BACH1: variants seen among roughly 807,000 people sequenced by gnomAD.
BACH1 encodes the protein BTB domain and CNC homolog 1.
A neutral mutation model predicts 52.9 loss-of-function variants in BACH1; 35 were observed. That is an observed-to-expected ratio of 0.66 (90% confidence interval 0.51 to 0.88). BACH1 has a LOEUF of 0.88. Ranked by LOEUF, BACH1 falls within the 40% of genes least tolerant of loss-of-function variation. BACH1 has a pLI of 0.00. For missense variants in BACH1, 808 were observed against 872.6 expected, an observed-to-expected ratio of 0.93 and a Z score of 0.93; for synonymous variants, 321 against 319.6, an observed-to-expected ratio of 1.00 and a Z score of -0.05.
chr21:29,311,956 T>A (rs1347945614), intron 1 of BACH1, among the ~76,000 whole-genome samples: 1 of 152,262 alleles, frequency 6.6e-6, no homozygotes, highest in Non-Finnish European at 1.5e-5. Context: ...CATGCTTAAC[T>A]GACAGTGGAG....
At chr21:29,312,713 T>G (rs2088739884) in intron 1 of BACH1, among the ~76,000 whole-genome samples, 1 of 152,196 alleles carries the variant, frequency 6.6e-6, no homozygotes, top group Non-Finnish European at 1.5e-5. Flanking sequence ...TAGCAAAAGC[T>G]TCACAAGCCC....
At chr21:29,357,983 C>T (rs964580682) in intron 2 of BACH1, among the ~76,000 whole-genome samples, 4 of 152,190 alleles carry the variant, frequency 2.6e-5, no homozygotes, top group African/African-American at 2.4e-5. Context: ...AGTCCCCACA[C>T]GCCCTGAGAG....
intron 1 of BACH1, chr21:29,305,166 T>G (rs2088642085): frequency 6.6e-6 from 1 of 151,804 alleles, no homozygotes; most frequent in Non-Finnish European, 1.5e-5. Context: ...AGCTTTTGGC[T>G]TTTGTAATCT....
rs896762222 is a variant in BACH1, at chr21:29,343,662, C to G, written c.*829C>G. On this transcript the variant is annotated 3_prime_UTR_variant, in exon 5 of 5. Transcript: ENST00000286800. ...ACAGTGGCATGAGTGATTACACTGG[C>G]AGCATTATCTCAGGCTCCCTAGAAT... 2.0e-5 allele frequency: 3 copies of G among 152,164 alleles called. No individual in the cohort carries two copies. The highest frequency in any genetic ancestry group is 4.4e-5 in the Non-Finnish European group (3 of 68,036). 9.4% of individuals were successfully genotyped at this position (152,164 alleles called of 1,614,324 possible). A position where few individuals can be genotyped will look rare whatever the true frequency, so the allele number is the denominator to read the frequency against.
Position 29,306,788 on chromosome 21 carries a change from T to G in BACH1, c.-61+7835T>G, listed in dbSNP as rs143725860. On this transcript the variant is annotated intron_variant, in intron 1 of 4. Transcript: ENST00000286800. ...GAATTTTAGGTGACTTTTTTTCCTC[T>G]TATATGCCATTTCCTTCTATGATCA... is the stretch of plus-strand genomic sequence containing the variant. 2.3e-3 allele frequency among the ~76,000 whole-genome samples: 349 copies of G among 152,320 alleles called. 4 individuals carry two copies. The highest frequency in any genetic ancestry group is 8.1e-3 in the African/African-American group (335 of 41,560).
chr21:29,343,129 G>T lies in BACH1; in HGVS notation c.*296G>T. ...TAACTCTTCCTGCTATTCAGAATAAGTAGGAGAATGAAAACTGCAGCATAT... is the reference window on the plus strand; with the variant it reads ...TAACTCTTCCTGCTATTCAGAATAATTAGGAGAATGAAAACTGCAGCATAT... On this transcript the variant is annotated 3_prime_UTR_variant, in exon 5 of 5. Coordinates refer to ENST00000286800, the MANE Select transcript of BACH1 (RefSeq NM_001186.4). 4.9e-6 allele frequency: 1 copy of T among 202,920 alleles called. No homozygotes were observed. The highest frequency in any genetic ancestry group is 1.1e-4 in the East Asian group (1 of 8,976). The allele number at this position is 202,920 out of a possible 1,614,324, so 12.6% of individuals were successfully genotyped here. A position where few individuals can be genotyped will look rare whatever the true frequency, so the allele number is the denominator to read the frequency against.
intron 2 of BACH1, chr21:29,361,354 C>T (rs1225833287): frequency 1.3e-5 from 2 of 152,066 alleles, no homozygotes; most frequent in Non-Finnish European, 2.9e-5. Context: ...CTTGCTTTAT[C>T]TAGGTTTTGT....
Sources: allele counts gnomAD v4.1 joint callset (sites outside exome capture counted in the v4.1 genomes callset), GRCh38; gene constraint gnomAD v4.1.1; transcripts MANE v1.5; gene names NCBI Gene and HGNC (gene_info 2026-07-23, HGNC 2026-07-21).